Variants in VCF1 observed in about 807,000 individuals in gnomAD.
VCF1 encodes VCP nuclear cofactor family member 1, also known as protein VCF1.
At chr17:73,208,601 G>T in the VCF1 span, 3 of 985,918 alleles carry the variant, frequency 3.0e-6, no homozygotes, top group Admixed American at 5.3e-5. Flanking sequence ...GTTACTTTAA[G>T]CATCAAGTTA....
the VCF1 span, among the ~76,000 whole-genome samples, chr17:73,215,479 GC>G: frequency 6.6e-6 from 1 of 152,038 alleles, no homozygotes; most frequent in African/African-American, 2.4e-5. Flanking sequence ...TCACTATGTT[GC>G]CCAGGCTGGT....
the VCF1 span, among the ~76,000 whole-genome samples, chr17:73,218,730 C>T: frequency 6.6e-6 from 1 of 151,756 alleles, no homozygotes. Context: ...ACTAAAAATA[C>T]AAAAAATGGC....
the VCF1 span, among the ~76,000 whole-genome samples, chr17:73,224,945 C>CAGG: frequency 6.3e-3 from 692 of 109,986 alleles, 67 homozygotes; most frequent in Middle Eastern, 0.015. Context: ...CACAGCACAG[C>CAGG]ACAGCACAGG....
At chr17:73,209,719 ATGCTGCTGCTGCTGC>A in the VCF1 span, 1 of 1,474,426 alleles carries the variant, frequency 6.8e-7, no homozygotes, top group African/African-American at 1.4e-5. Flanking sequence ...CGGGCTATTG[ATGCTGCTGCTGCTGC>A]TGCTGCTGCT....
chr17:73,225,884 T>C, the VCF1 span, among the ~76,000 whole-genome samples: 4 of 68,562 alleles, frequency 5.8e-5, no homozygotes, highest in South Asian at 6.3e-4. Context: ...ATATATATAA[T>C]ATATATATAT....
chr17:73,209,241 G>A, the VCF1 span: 2 of 501,456 alleles, frequency 4.0e-6, no homozygotes, highest in Non-Finnish European at 7.2e-6. Flanking sequence ...GACATACTAT[G>A]GATTCAACAC....
chr17:73,207,542 T>C, the VCF1 span: 1 of 622,290 alleles, frequency 1.6e-6, no homozygotes, highest in African/African-American at 1.8e-5. Context: ...GGTGAAAGAG[T>C]TAACTGCCAA....
the VCF1 span, chr17:73,212,838 T>C: frequency 1.3e-6 from 1 of 781,512 alleles, no homozygotes; most frequent in Non-Finnish European, 2.0e-6. Flanking sequence ...AGGGTGATGC[T>C]ACTCTAAGAA....
chr17:73,208,708 C>A, the VCF1 span: 6 of 509,624 alleles, frequency 1.2e-5, no homozygotes, highest in Non-Finnish European at 1.8e-5. Flanking sequence ...ATTGTTGACA[C>A]TACAAGGTGG....
chr17:73,219,099 G>A, the VCF1 span, among the ~76,000 whole-genome samples: 1 of 151,148 alleles, frequency 6.6e-6, no homozygotes, highest in African/African-American at 2.4e-5. Context: ...GCTGAGGCAG[G>A]CGAATCGCTT....
At chr17:73,208,196 G>A in the VCF1 span, 11 of 1,580,764 alleles carry the variant, frequency 7.0e-6, no homozygotes, top group South Asian at 6.8e-5. Context: ...TAGAGCCATC[G>A]TGCTTCTCAG....
At chr17:73,222,650 G>A in the VCF1 span, among the ~76,000 whole-genome samples, 2 of 151,934 alleles carry the variant, frequency 1.3e-5, no homozygotes, top group Admixed American at 6.6e-5. Flanking sequence ...GCTGGCGGGT[G>A]CCTGTAATCC....
At chr17:73,210,545 T>C in the VCF1 span, among the ~76,000 whole-genome samples, 1 of 149,990 alleles carries the variant, frequency 6.7e-6, no homozygotes, top group African/African-American at 2.5e-5. Flanking sequence ...CTTCCACCAC[T>C]AGGACTCTCA....
chr17:73,213,617 T>C, the VCF1 span, among the ~76,000 whole-genome samples: 15 of 152,268 alleles, frequency 9.9e-5, no homozygotes, highest in Admixed American at 7.8e-4. Context: ...TTTTCTCAAG[T>C]GTCTATCAAA....
the VCF1 span, among the ~76,000 whole-genome samples, chr17:73,225,572 C>CT: frequency 6.6e-6 from 1 of 151,640 alleles, no homozygotes; most frequent in Non-Finnish European, 1.5e-5. Context: ...ACCTACCATA[C>CT]CCTTGACTGA....
the VCF1 span, chr17:73,227,150 G>C: frequency 6.5e-7 from 1 of 1,540,392 alleles, no homozygotes; most frequent in Non-Finnish European, 8.8e-7. Flanking sequence ...CAGACTATGT[G>C]ACCACACTTC....
At chr17:73,232,133 C>T in the VCF1 span, 55 of 1,609,714 alleles carry the variant, frequency 3.4e-5, 1 homozygote, top group Admixed American at 1.8e-4. Context: ...GGAAGCTACG[C>T]GGCGCCGCTC....
At chr17:73,227,064 T>C in the VCF1 span, 1 of 899,358 alleles carries the variant, frequency 1.1e-6, no homozygotes, top group Non-Finnish European at 1.7e-6. Flanking sequence ...TCAACTAAGG[T>C]CATTTTAAAT....
the VCF1 span, among the ~76,000 whole-genome samples, chr17:73,225,899 ATTT>A: frequency 0.055 from 6,250 of 114,534 alleles, 182 homozygotes; most frequent in African/African-American, 0.061. Flanking sequence ...ATATATATAT[ATTT>A]TTTTTTTTTT....
Sources: gnomAD v4.1 joint callset for allele counts (sites outside exome capture counted in the v4.1 genomes callset) on GRCh38, gnomAD v4.1.1 for gene constraint, MANE v1.5 for transcripts, NCBI Gene and HGNC (gene_info 2026-07-23, HGNC 2026-07-21) for gene names.